TEX15: variants seen among roughly 807,000 people sequenced by gnomAD.
TEX15 encodes testis expressed 15, meiosis and synapsis associated.
TEX15 carries 171 observed loss-of-function variants against 237.3 expected under a neutral mutation model. The ratio of observed to expected loss-of-function variants is 0.72; its 90% CI spans 0.64 to 0.82. The LOEUF (loss-of-function observed/expected upper bound fraction) is 0.82, where lower values mean the gene tolerates loss of function less well. Ranked by LOEUF, TEX15 falls within the 40% of genes least tolerant of loss-of-function variation. TEX15 has a pLI of 0.00. For missense variants in TEX15, 3,750 were observed against 3,646.5 expected (o/e 1.03, Z -0.73); for synonymous variants, 1,338 against 1,269.8 (o/e 1.05, Z -1.14).
At chr8:30,863,061 TTCAGGGG>T (rs1476424914) in intron 5 of TEX15, among the ~76,000 whole-genome samples, 2 of 152,150 alleles carry the variant, frequency 1.3e-5, no homozygotes, top group African/African-American at 4.8e-5. Flanking sequence ...GCTTGCAACT[TTCAGGGG>T]AACGCTTGAA....
At chr8:30,863,055 G>A (rs1417466100) in intron 5 of TEX15, among the ~76,000 whole-genome samples, 2 of 152,120 alleles carry the variant, frequency 1.3e-5, no homozygotes, top group African/African-American at 4.8e-5. Context: ...CTGAAGGCTT[G>A]CAACTTTCAG....
intron 6 of TEX15, 41 bp from the exon 7 acceptor site, chr8:30,858,871 A>G (rs1490003718): frequency 7.1e-7 from 1 of 1,412,426 alleles, no homozygotes; most frequent in Admixed American, 2.8e-5. Flanking sequence ...AATTTTGGCA[A>G]TCAGAGTTGA....
chr8:30,872,462 T>C (rs544875313), intron 4 of TEX15, among the ~76,000 whole-genome samples: 3 of 152,276 alleles, frequency 2.0e-5, no homozygotes, highest in Non-Finnish European at 4.4e-5. Flanking sequence ...ATGTTGTTGG[T>C]TTATGTATTT....
Position 30,837,191 on chromosome 8 carries a change from A to G in TEX15, c.9093T>C (p.Ser3031=). Residue 3031 remains serine (S), a synonymous_variant, in exon 10 of 11, where the codon TCT becomes TCC. Coordinates refer to ENST00000643185, the MANE Select transcript of TEX15 (RefSeq NM_001350162.2). The part of the protein sequence containing the change: ...QSACNPTYNS[S]EHLFGTSYPY... ...GATATGAAGTTCCAAATAAATGCTCAGAAGAATTATATGTTGGGTTACATG... is the reference window on the plus strand; with the variant it reads ...GATATGAAGTTCCAAATAAATGCTCGGAAGAATTATATGTTGGGTTACATG... 6.2e-7 allele frequency: 1 copy of G among 1,614,198 alleles called. No homozygotes were observed.
At chr8:30,878,587 A>G (rs905872327) in intron 3 of TEX15, among the ~76,000 whole-genome samples, 1 of 151,960 alleles carries the variant, frequency 6.6e-6, no homozygotes, top group African/African-American at 2.4e-5. Context: ...CGGTTTCTCC[A>G]TGTTGGTCAG....
chr8:30,835,168 G>A (rs1336582241), intron 10 of TEX15, among the ~76,000 whole-genome samples: 2 of 151,842 alleles, frequency 1.3e-5, no homozygotes, highest in South Asian at 2.1e-4. Flanking sequence ...GCAGTGGCGC[G>A]ATCTCGGCTC....
Position 30,842,556 on chromosome 8 carries a change from A to G in TEX15, c.7611T>C (p.Ala2537=). The G allele has an allele frequency of 6.2e-7, 1 of 1,609,652 alleles. No homozygotes were observed. The highest frequency in any genetic ancestry group is 8.5e-7 in the Non-Finnish European group (1 of 1,179,236). The change falls in exon 8 of 11, where the codon GCT becomes GCC. Residue 2537 remains alanine (A), a synonymous_variant. Transcript: ENST00000643185. The part of the protein sequence containing the change: ...KYNEAVNCSY[A]IHLLSRELQE... ...GAAGTTCTCTTGAGAGCAAATGAAT[A>G]GCATATGAGCAATTAACAGCTTCAT...
chr8:30,912,177 A>G (rs1279500330), intron 1 of TEX15, among the ~76,000 whole-genome samples: 1 of 152,148 alleles, frequency 6.6e-6, no homozygotes, highest in Non-Finnish European at 1.5e-5. Context: ...TCCTGCAGCG[A>G]GACAGCCGGC....
In TEX15 at chr8:30,843,281, CCTT is replaced by C. The variant is rs767233941; in HGVS notation, c.6883_6885del (p.Lys2295del). The C allele has an allele frequency of 3.7e-6, 6 of 1,611,678 alleles. No individual in the cohort carries two copies. In the Admixed American group the frequency reaches 5.0e-5, roughly 14 times the overall value. On this transcript the variant is annotated inframe_deletion, in exon 8 of 11. Coordinates refer to ENST00000643185, the MANE Select transcript of TEX15 (RefSeq NM_001350162.2). ...TTCACTCTGAGTAGCCTTTCTTCGT[CCTT>C]CTTTTGTGAGTATTTTTTGCTGAAG...
chr8:30,904,324 G>A (rs1043228488), intron 1 of TEX15, among the ~76,000 whole-genome samples: 2 of 151,810 alleles, frequency 1.3e-5, no homozygotes, highest in African/African-American at 2.4e-5. Context: ...GTGGGCGCCT[G>A]TAATCCCAGC....
chr8:30,845,260 T>C lies in TEX15; in HGVS notation c.4907A>G (p.Asp1636Gly). The change falls in exon 8 of 11, where the codon GAT (aspartate) becomes GGT (glycine). Residue 1636 changes from aspartate to glycine, a missense_variant. Physicochemically the swap from Asp to Gly is moderately conservative, Grantham distance 94. Coordinates refer to ENST00000643185, the MANE Select transcript of TEX15 (RefSeq NM_001350162.2). ...NINSSTGNDC[D>G]ATCIGHTKAK... ...CTTTGTGTGACCTATGCAAGTTGCA[T>C]CACAATCGTTGCCTGTACTAGAATT... is the stretch of plus-strand genomic sequence containing the variant. 6.2e-7 allele frequency: 1 copy of C among 1,613,518 alleles called. No individual in the cohort carries two copies.
rs753270865 is a variant in TEX15, at chr8:30,847,897, T to A, written c.2270A>T (p.Tyr757Phe). Residue 757 changes from tyrosine (Y) to phenylalanine (F), a missense_variant, in exon 8 of 11, where the codon TAT becomes TTT. Physicochemically the swap from Tyr to Phe is conservative, Grantham distance 22. Transcript: ENST00000643185. ...GAAAGCTTCAGTTATAATGCTAGCA[T>A]AATTTTGATTTATTTTCCCCAATTT... ...ELKLGKINQN[Y>F]ASIITEAFPK... 2.5e-6 allele frequency: 4 copies of A among 1,613,960 alleles called. No homozygotes were observed. In the South Asian group the frequency reaches 4.4e-5, roughly 18 times the overall value.
chr8:30,878,537 C>T (rs1808449413), intron 3 of TEX15, among the ~76,000 whole-genome samples: 2 of 152,068 alleles, frequency 1.3e-5, no homozygotes, highest in South Asian at 4.1e-4. Context: ...GCATGCGCCA[C>T]CATGCCGGGC....
intron 8 of TEX15, among the ~76,000 whole-genome samples, chr8:30,840,366 T>C (rs1036187984): frequency 2.6e-5 from 4 of 152,094 alleles, no homozygotes; most frequent in Non-Finnish European, 5.9e-5. Context: ...CAGCTGATAT[T>C]TGTATTTTTA....
chr8:30,888,512 G>T, intron 2 of TEX15: 4 of 726,674 alleles, frequency 5.5e-6, no homozygotes, highest in Non-Finnish European at 8.1e-6. Context: ...AAACTCCCCT[G>T]CAACCTCCAT....
At chr8:30,838,130 T>C (rs1807354104) in intron 9 of TEX15, 69 bp from the exon 10 acceptor site, 4 of 1,352,824 alleles carry the variant, frequency 3.0e-6, no homozygotes, top group East Asian at 5.1e-5. Flanking sequence ...AATGGAAATA[T>C]ATATTTGAAA....
chr8:30,848,614 T>C lies in TEX15; in HGVS notation c.1553A>G (p.Tyr518Cys), dbSNP rs1267200627. The change falls in exon 8 of 11, where the codon TAT (tyrosine) becomes TGT (cysteine). Residue 518 changes from tyrosine to cysteine, a missense_variant. Coordinates refer to ENST00000643185, the MANE Select transcript of TEX15 (RefSeq NM_001350162.2). ...AACTTTATTGGGAGGTATACAGTCA[T>C]AGTCCTCAGAGCCCATGTTGTGAGC... ...SWAHNMGSEDYDCIPPNKVTM... is the reference protein window; with the variant it reads ...SWAHNMGSEDCDCIPPNKVTM... 2.5e-6 allele frequency: 4 copies of C among 1,614,152 alleles called. No individual in the cohort carries two copies. The highest frequency in any genetic ancestry group is 2.2e-5 in the East Asian group (1 of 44,876).
At chr8:30,882,206 C>A in intron 3 of TEX15, among the ~76,000 whole-genome samples, 1 of 152,168 alleles carries the variant, frequency 6.6e-6, no homozygotes. Flanking sequence ...AGCCCCTTGC[C>A]CCCTACTTAC....
At chr8:30,912,289 C>T (rs1809238561) in intron 1 of TEX15, among the ~76,000 whole-genome samples, 1 of 149,790 alleles carries the variant, frequency 6.7e-6, no homozygotes, top group East Asian at 2.1e-4. Context: ...TCCAGGGTCG[C>T]GAGTCCCACA....
Sources: gnomAD v4.1 joint callset for allele counts (sites outside exome capture counted in the v4.1 genomes callset) on GRCh38, gnomAD v4.1.1 for gene constraint, MANE v1.5 for transcripts, NCBI Gene and HGNC (gene_info 2026-07-23, HGNC 2026-07-21) for gene names.